Variants in WT1 observed in about 807,000 individuals in gnomAD.
WT1 encodes Wilms tumor protein.
In WT1, 8 loss-of-function variants were observed where a neutral mutation model predicts 60.8. The observed-to-expected ratio is 0.13, with a 90% CI of 0.08 to 0.24. The LOEUF (loss-of-function observed/expected upper bound fraction) is 0.24. Among genes scored for constraint, WT1 ranks in the 10% least tolerant of loss-of-function variants. The pLI, the probability that WT1 is intolerant of heterozygous loss-of-function variation, is 1.00. For missense variants in WT1, 568 were observed against 711.8 expected (o/e 0.80, Z 2.30); for synonymous variants, 312 against 297.1 (o/e 1.05, Z -0.52).
intron 3 of WT1, among the ~76,000 whole-genome samples, chr11:32,421,090 A>G (rs3858445): frequency 0.34 from 52,438 of 152,030 alleles, 10,271 homozygotes; most frequent in East Asian, 0.73. Context: ...ATGGAAGTCA[A>G]TGACAGCAAT....
chr11:32,405,632 G>A (rs1166062208), intron 5 of WT1, among the ~76,000 whole-genome samples: 2 of 120,890 alleles, frequency 1.7e-5, no homozygotes, highest in African/African-American at 7.2e-5. Context: ...TTACACAAAT[G>A]ACAACTTCCT....
intron 1 of WT1, among the ~76,000 whole-genome samples, chr11:32,429,973 G>A (rs879198828): frequency 3.2e-5 from 3 of 93,654 alleles, no homozygotes; most frequent in African/African-American, 5.3e-5. Flanking sequence ...ACCACCCCCC[G>A]CCCAGAAAAA....
chr11:32,397,291 T>C (rs1384795203), intron 6 of WT1, among the ~76,000 whole-genome samples: 1 of 152,196 alleles, frequency 6.6e-6, no homozygotes, highest in East Asian at 1.9e-4. Context: ...GGCGGTGAGA[T>C]GCTGACACAA....
At chr11:32,392,633 C>G (rs1260434240) in intron 8 of WT1, 33 bp downstream of exon 8, 1 of 1,597,372 alleles carries the variant, frequency 6.3e-7, no homozygotes, top group Admixed American at 1.7e-5. Flanking sequence ...CAAGGGAACA[C>G]AGCTGCCAGC....
In WT1 at chr11:32,431,460, G is replaced by T. The variant is rs527539668; in HGVS notation, c.662-2841C>A. 2.0e-5 allele frequency among the ~76,000 whole-genome samples: 3 copies of T among 146,648 alleles called. No homozygotes were observed. The South Asian group carries it at 6.5e-4, about 32-fold the overall frequency. On this transcript the variant is annotated intron_variant, in intron 1 of 9. Coordinates refer to ENST00000452863, the MANE Select transcript of WT1 (RefSeq NM_024426.6). Reference sequence around the variant, plus strand: ...TTTTTTTTTTTTTTTTTTCCGAGACGGAGTTTCGCTCTGTCGCCCAGGCTG... The same window carrying T: ...TTTTTTTTTTTTTTTTTTCCGAGACTGAGTTTCGCTCTGTCGCCCAGGCTG...
chr11:32,392,902 C>A, intron 7 of WT1, 147 bp from the exon 8 acceptor site: 1 of 687,826 alleles, frequency 1.5e-6, no homozygotes, highest in Non-Finnish European at 2.6e-6. Context: ...CCCCAACTTG[C>A]AAGTTACAAA....
At chr11:32,420,609 C>T (rs1170259829) in intron 3 of WT1, among the ~76,000 whole-genome samples, 2 of 152,144 alleles carry the variant, frequency 1.3e-5, no homozygotes, top group Non-Finnish European at 1.5e-5. Context: ...GCTGGCATGC[C>T]TGAGCCCCCA....
chr11:32,396,904 G>A (rs1035520353), intron 6 of WT1, among the ~76,000 whole-genome samples: 1 of 152,258 alleles, frequency 6.6e-6, no homozygotes, highest in Non-Finnish European at 1.5e-5. Flanking sequence ...TGACCAGATC[G>A]TCCAAGTATA....
intron 5 of WT1, among the ~76,000 whole-genome samples, chr11:32,402,899 A>T (rs530736367): frequency 3.3e-5 from 5 of 152,174 alleles, no homozygotes; most frequent in Admixed American, 3.3e-4. Context: ...ACACAACATT[A>T]AAGTTCTGCC....
At chr11:32,415,929 G>A (rs141016920) in intron 5 of WT1, among the ~76,000 whole-genome samples, 61 of 152,188 alleles carry the variant, frequency 4.0e-4, no homozygotes, top group African/African-American at 1.3e-3. Context: ...AAAAGAGGGC[G>A]GCTGGTTGTG....
At chr11:32,406,873 C>T (rs1173957821) in intron 5 of WT1, among the ~76,000 whole-genome samples, 4 of 151,972 alleles carry the variant, frequency 2.6e-5, no homozygotes, top group African/African-American at 4.8e-5. Flanking sequence ...CCGAGGTGGG[C>T]GGATCACCTG....
At chr11:32,420,765 C>T (rs1376948509) in intron 3 of WT1, among the ~76,000 whole-genome samples, 16 of 152,176 alleles carry the variant, frequency 1.1e-4, no homozygotes, top group Non-Finnish European at 2.2e-4. Context: ...CCTACTCAGT[C>T]TCTAGAAAAT....
At chr11:32,400,827 C>T (rs1004193803) in intron 5 of WT1, among the ~76,000 whole-genome samples, 6 of 152,220 alleles carry the variant, frequency 3.9e-5, no homozygotes, top group Admixed American at 3.9e-4. Flanking sequence ...TGAGATGAGG[C>T]AGACTGAGGT....
At chr11:32,430,433 A>AGAGAGAGAGAGAGGGAGGGG in intron 1 of WT1, 25 of 572,564 alleles carry the variant, frequency 4.4e-5, no homozygotes, top group South Asian at 2.4e-4. Context: ...AGACAGACAC[A>AGAGAGAGAGAGAGGGAGGGG]GAGAGAGAGA....
At chr11:32,431,455 G>T (rs1453414457) in intron 1 of WT1, among the ~76,000 whole-genome samples, 2 of 126,914 alleles carry the variant, frequency 1.6e-5, no homozygotes, top group Non-Finnish European at 3.2e-5. Flanking sequence ...TTTTTTTTCC[G>T]AGACGGAGTT....
intron 3 of WT1, among the ~76,000 whole-genome samples, chr11:32,424,374 T>C (rs149212570): frequency 1.4e-3 from 218 of 152,230 alleles, no homozygotes; most frequent in Non-Finnish European, 2.5e-3. Flanking sequence ...GAAATTATAG[T>C]ACCTGCCTCA....
chr11:32,424,312 C>T (rs116362738), intron 3 of WT1, among the ~76,000 whole-genome samples: 2,717 of 152,238 alleles, frequency 0.018, 81 homozygotes, highest in African/African-American at 0.061. Flanking sequence ...TTCTGATTCT[C>T]ACTTGCTGTG....
intron 3 of WT1, 111 bp downstream of exon 3, chr11:32,427,845 C>A: frequency 1.0e-6 from 1 of 972,452 alleles, no homozygotes. Flanking sequence ...CCTCCAAGAC[C>A]CTGCATGCCC....
chr11:32,418,978 A>T (rs1852768702), intron 3 of WT1, among the ~76,000 whole-genome samples: 1 of 152,202 alleles, frequency 6.6e-6, no homozygotes, highest in South Asian at 2.1e-4. Flanking sequence ...CCGTTTCATT[A>T]GTCAGTGTGT....
Sources: gnomAD v4.1 joint callset for allele counts (sites outside exome capture counted in the v4.1 genomes callset) on GRCh38, gnomAD v4.1.1 for gene constraint, MANE v1.5 for transcripts, NCBI Gene and HGNC (gene_info 2026-07-23, HGNC 2026-07-21) for gene names.